Variants in ADAM7 observed in about 807,000 individuals in gnomAD.
The protein encoded by ADAM7 is disintegrin and metalloproteinase domain-containing protein 7.
A neutral mutation model predicts 102.9 loss-of-function variants in ADAM7; 97 were observed. That is an observed-to-expected ratio of 0.94 (90% CI 0.80 to 1.12). The LOEUF (loss-of-function observed/expected upper bound fraction) is 1.12, where lower values mean the gene tolerates loss of function less well. ADAM7 is among the 50% of genes most tolerant of loss of function. ADAM7 has a pLI of 0.00. For missense variants in ADAM7, 991 were observed against 908.7 expected (o/e 1.09, Z -1.16); for synonymous variants, 334 against 304.4 (o/e 1.10, Z -1.01).
At chr8:24,466,731 C>A in intron 5 of ADAM7, 68 bp from the exon 6 acceptor site, 1 of 1,456,400 alleles carries the variant, frequency 6.9e-7, no homozygotes, top group Non-Finnish European at 9.3e-7. Flanking sequence ...CTTGAAAAGG[C>A]AAAGTCAATA....
At chr8:24,484,795 G>GC (rs1297701883) in intron 9 of ADAM7, among the ~76,000 whole-genome samples, 2 of 133,058 alleles carry the variant, frequency 1.5e-5, no homozygotes, top group Non-Finnish European at 3.2e-5. Flanking sequence ...GTGTAAGATT[G>GC]CACTGGCTTT....
chr8:24,463,573 GT>G (rs1406596978), intron 3 of ADAM7, among the ~76,000 whole-genome samples: 1 of 151,988 alleles, frequency 6.6e-6, no homozygotes, highest in Non-Finnish European at 1.5e-5. Flanking sequence ...ATTAATGCAT[GT>G]TTTTTGCATT....
chr8:24,456,994 A>G (rs1819058718), intron 3 of ADAM7, among the ~76,000 whole-genome samples: 1 of 152,106 alleles, frequency 6.6e-6, no homozygotes, highest in Non-Finnish European at 1.5e-5. Context: ...GAGTCACAGG[A>G]TATGTATATG....
At chr8:24,484,425 CTATAA>C (rs1332514651) in intron 9 of ADAM7, among the ~76,000 whole-genome samples, 2 of 152,044 alleles carry the variant, frequency 1.3e-5, no homozygotes, top group African/African-American at 4.8e-5. Context: ...ATTTGGATTC[CTATAA>C]TATAAATATC....
At position 24,446,001 on chromosome 8, in the gene ADAM7, G is replaced by GT. The variant is rs554381576; in HGVS notation, c.157-1180dup. 3.9e-3 allele frequency among the ~76,000 whole-genome samples: 591 copies of GT among 152,210 alleles called. 6 individuals carry two copies. The highest frequency in any genetic ancestry group is 6.2e-3 in the Non-Finnish European group (425 of 68,034). On this transcript the variant is annotated intron_variant, in intron 2 of 21. Coordinates refer to ENST00000175238, the MANE Select transcript of ADAM7 (RefSeq NM_003817.4). The stretch of plus-strand genomic sequence containing the variant: ...CACTATGTGTGCTTGGTTATCCAGT[G>GT]TTTTTCTCTGCCAAGCAGGGACTTC...
At chr8:24,461,911 C>T (rs1421492910) in intron 3 of ADAM7, among the ~76,000 whole-genome samples, 1 of 152,160 alleles carries the variant, frequency 6.6e-6, no homozygotes, top group Non-Finnish European at 1.5e-5. Context: ...CTTTGCTAAG[C>T]ATAGTTATAG....
intron 6 of ADAM7, 144 bp downstream of exon 6, chr8:24,467,132 A>G: frequency 1.3e-6 from 1 of 780,078 alleles, no homozygotes; most frequent in Non-Finnish European, 2.0e-6. Flanking sequence ...AAATTGGAAA[A>G]TTTTTTCTTG....
intron 3 of ADAM7, among the ~76,000 whole-genome samples, chr8:24,454,723 G>A (rs1053797141): frequency 4.6e-5 from 7 of 152,150 alleles, no homozygotes; most frequent in African/African-American, 1.7e-4. Flanking sequence ...AGATGGAAAT[G>A]CAGAAATCAC....
intron 8 of ADAM7, among the ~76,000 whole-genome samples, chr8:24,481,179 C>T (rs988718220): frequency 3.9e-5 from 6 of 152,082 alleles, no homozygotes; most frequent in East Asian, 1.9e-4. Flanking sequence ...TGTCTAACTT[C>T]GGGAGAGTTT....
At chr8:24,485,807 G>C (rs2129389631) in intron 10 of ADAM7, among the ~76,000 whole-genome samples, 2 of 152,140 alleles carry the variant, frequency 1.3e-5, no homozygotes, top group East Asian at 3.9e-4. Context: ...AAAAACTGTT[G>C]ACTCCCTTTT....
chr8:24,471,412 C>T (rs1177314149), intron 7 of ADAM7, among the ~76,000 whole-genome samples: 2 of 151,770 alleles, frequency 1.3e-5, no homozygotes, highest in African/African-American at 2.4e-5. Context: ...TCCAGAGAAA[C>T]CTCCAGGCCT....
chr8:24,443,165 G>T (rs1818432139), intron 2 of ADAM7, among the ~76,000 whole-genome samples: 1 of 152,134 alleles, frequency 6.6e-6, no homozygotes, highest in Non-Finnish European at 1.5e-5. Flanking sequence ...AATGTCCTTA[G>T]GTATTTATCA....
chr8:24,462,610 C>T (rs1819282376), intron 3 of ADAM7, among the ~76,000 whole-genome samples: 1 of 152,128 alleles, frequency 6.6e-6, no homozygotes, highest in Non-Finnish European at 1.5e-5. Flanking sequence ...TACCTAGATC[C>T]TTGAGGTACT....
At chr8:24,506,786 C>A (rs960037218) in intron 20 of ADAM7, among the ~76,000 whole-genome samples, 1 of 148,666 alleles carries the variant, frequency 6.7e-6, no homozygotes, top group Admixed American at 6.7e-5. Context: ...CACACACACA[C>A]ACACAAAATA....
intron 16 of ADAM7, among the ~76,000 whole-genome samples, chr8:24,494,367 G>A (rs758287859): frequency 2.0e-5 from 3 of 152,136 alleles, no homozygotes; most frequent in Non-Finnish European, 4.4e-5. Context: ...AAATTCAAAG[G>A]TATTCAACAA....
intron 7 of ADAM7, among the ~76,000 whole-genome samples, chr8:24,471,415 C>T (rs973820758): frequency 6.6e-6 from 1 of 151,784 alleles, no homozygotes; most frequent in African/African-American, 2.4e-5. Context: ...AGAGAAACCT[C>T]CAGGCCTACA....
chr8:24,485,047 A>C (rs1288434303), intron 9 of ADAM7, among the ~76,000 whole-genome samples: 1 of 151,770 alleles, frequency 6.6e-6, no homozygotes, highest in African/African-American at 2.4e-5. Flanking sequence ...CTCGTGATCC[A>C]CCTGCCTCGG....
chr8:24,485,302 C>A lies in ADAM7; in HGVS notation c.901C>A (p.Gln301Lys). ...LSGKWLYSHV[Q>K]GISYPGGMCL... is the part of the protein sequence containing the mutation. ...TGGGAAGTGGCTCTACTCACATGTG[C>A]AAGGAATTTCTTATCCAGGGGGTAT... Residue 301 changes from glutamine (Q) to lysine (K), a missense_variant, in exon 10 of 22, where the codon CAA becomes AAA. By Grantham distance (53) the Gln-to-Lys change is moderately conservative (BLOSUM62 1). Transcript: ENST00000175238. 3 of 1,613,554 alleles carry A rather than the reference C, an allele frequency of 1.9e-6. No homozygotes were observed. The highest frequency in any genetic ancestry group is 2.5e-6 in the Non-Finnish European group (3 of 1,179,742).
intron 10 of ADAM7, among the ~76,000 whole-genome samples, chr8:24,486,859 A>G (rs77028859): frequency 0.022 from 3,280 of 152,328 alleles, 53 homozygotes; most frequent in South Asian, 0.033. Flanking sequence ...AATTTTGAAG[A>G]GGTAAAAATC....
Sources: allele counts gnomAD v4.1 joint callset (sites outside exome capture counted in the v4.1 genomes callset), GRCh38; gene constraint gnomAD v4.1.1; transcripts MANE v1.5; gene names NCBI Gene and HGNC (gene_info 2026-07-23, HGNC 2026-07-21).